Variants in PABPC3 observed in about 807,000 individuals in gnomAD.
PABPC3 encodes the protein polyadenylate-binding protein 3.
In PABPC3, 43 loss-of-function variants were observed where a neutral mutation model predicts 43.0. The ratio of observed to expected loss-of-function variants is 1.00; its 90% CI spans 0.78 to 1.29. The LOEUF (loss-of-function observed/expected upper bound fraction) is 1.29, where lower values mean the gene tolerates loss of function less well. PABPC3 is among the 50% of genes most tolerant of loss of function. The pLI, the probability that PABPC3 is intolerant of heterozygous loss-of-function variation, is 0.00. For missense variants in PABPC3, 784 were observed against 798.1 expected (o/e 0.98, Z 0.21); for synonymous variants, 221 against 274.6 (o/e 0.80, Z 1.93).
rs2137382421 is a variant in PABPC3 at position 25,096,210 on chromosome 13, C to T, written c.12C>T (p.Ser4=). Residue 4 remains serine, a synonymous_variant, in exon 1 of 1, where the codon AGC becomes AGT. Coordinates refer to ENST00000281589, the MANE Select transcript of PABPC3 (RefSeq NM_030979.3). ...CAGCCGTGCCGAGAATGAACCCCAG[C>T]ACCCCCAGCTACCCAACGGCCTCGC... MNP[S]TPSYPTASLY... The T allele has an allele frequency of 6.2e-7, 1 of 1,612,528 alleles. No homozygotes were observed. Among genetic ancestry groups the T allele is most frequent in the Non-Finnish European group, 8.5e-7 (1 of 1,178,862 alleles).
Position 25,097,983 on chromosome 13 carries a change from A to G in PABPC3, c.1785A>G (p.Pro595=), listed in dbSNP as rs1374071478. 1 of 1,613,894 alleles carries G rather than the reference A, an allele frequency of 6.2e-7. No individual in the cohort carries two copies. The highest frequency in any genetic ancestry group is 8.5e-7 in the Non-Finnish European group (1 of 1,179,886). ...AACTTCTTTATATGCTCGAGTCTCC[A>G]GAGTCACTCCGTTCTAAGGTTGATG... ...NSELLYMLES[P]ESLRSKVDEA... Residue 595 remains proline, a synonymous_variant, in exon 1 of 1, where the codon CCA becomes CCG. Transcript: ENST00000281589.
In PABPC3 at chr13:25,097,268, T is replaced by A; in HGVS notation, c.1070T>A (p.Ile357Asn). Residue 357 changes from isoleucine (I) to asparagine (N), a missense_variant, in exon 1 of 1, where the codon ATT (isoleucine) becomes AAT (asparagine). Coordinates refer to ENST00000281589, the MANE Select transcript of PABPC3 (RefSeq NM_030979.3). ...TKAVTEMNGR[I>N]VATKPLYVAL... Reference sequence around the variant, plus strand: ...GCAGTTACAGAAATGAACGGTAGAATTGTGGCCACAAAGCCATTGTATGTA... The same window carrying A: ...GCAGTTACAGAAATGAACGGTAGAAATGTGGCCACAAAGCCATTGTATGTA... 1.9e-6 allele frequency: 3 copies of A among 1,614,276 alleles called. No individual in the cohort carries two copies. Among genetic ancestry groups the A allele is most frequent in the Non-Finnish European group, 2.5e-6 (3 of 1,180,050 alleles).
the PABPC3 span, chr13:25,096,360 C>G: frequency 7.4e-6 from 12 of 1,614,194 alleles, no homozygotes; most frequent in Non-Finnish European, 1.0e-5. Context: ...CCTCCAACTA[C>G]GCGTATGTGA....
In PABPC3 at chr13:25,096,263, T is replaced by C. The variant is rs1323545961; in HGVS notation, c.65T>C (p.Val22Ala). 1 of 1,614,108 alleles carries C rather than the reference T, an allele frequency of 6.2e-7. No homozygotes were observed. The highest frequency in any genetic ancestry group is 1.3e-5 in the African/African-American group (1 of 74,932). The stretch of plus-strand genomic sequence containing the variant: ...TACGTGGGGGACCTCCACCCCGACG[T>C]GACTGAGGCGATGCTCTACGAGAAG... ...SLYVGDLHPD[V>A]TEAMLYEKFS... is the part of the protein sequence containing the mutation. The change falls in exon 1 of 1, where the codon GTG becomes GCG. Residue 22 changes from valine to alanine, a missense_variant. Physicochemically the swap from Val to Ala is moderately conservative, Grantham distance 64 (BLOSUM62 0). Coordinates refer to ENST00000281589, the MANE Select transcript of PABPC3 (RefSeq NM_030979.3).
chr13:25,096,612 G>A lies in PABPC3; in HGVS notation c.414G>A (p.Lys138=), dbSNP rs765717921. The A allele has an allele frequency of 6.2e-7, 1 of 1,614,278 alleles. No homozygotes were observed. ...CNVVCDENGS[K]GYGFVHFETH... ...TGGTTTGTGATGAAAATGGTTCCAAGGGTTATGGATTTGTACACTTTGAGA... is the reference window on the plus strand; with the variant it reads ...TGGTTTGTGATGAAAATGGTTCCAAAGGTTATGGATTTGTACACTTTGAGA... Residue 138 remains lysine, a synonymous_variant, in exon 1 of 1, where the codon AAG becomes AAA. Coordinates refer to ENST00000281589, the MANE Select transcript of PABPC3 (RefSeq NM_030979.3).
chr13:25,096,719 A>C lies in PABPC3; in HGVS notation c.521A>C (p.Lys174Thr), dbSNP rs780847068. The C allele has an allele frequency of 6.2e-6, 10 of 1,614,192 alleles. No homozygotes were observed. Among genetic ancestry groups the C allele is most frequent in the Non-Finnish European group, 8.5e-6 (10 of 1,180,058 alleles). The change falls in exon 1 of 1, where the codon AAG (lysine) becomes ACG (threonine). Residue 174 changes from lysine to threonine, a missense_variant. Physicochemically the swap from Lys to Thr is moderately conservative, Grantham distance 78 (BLOSUM62 -1). Coordinates refer to ENST00000281589, the MANE Select transcript of PABPC3 (RefSeq NM_030979.3). ...NGRKVFVGQFKSRKEREAELG... is the reference protein window; with the variant it reads ...NGRKVFVGQFTSRKEREAELG... ...CGCAAAGTATTTGTTGGACAATTTA[A>C]GTCTCGTAAAGAACGAGAAGCTGAA...
chr13:25,098,144 A>G lies in PABPC3; in HGVS notation c.*50A>G. 2.7e-6 allele frequency: 4 copies of G among 1,483,074 alleles called. No homozygotes were observed. The highest frequency in any genetic ancestry group is 3.7e-6 in the Non-Finnish European group (4 of 1,076,024). 91.9% of individuals were successfully genotyped at this position (1,483,074 alleles called of 1,614,324 possible). A position where few individuals can be genotyped will look rare whatever the true frequency, so the allele number is the denominator to read the frequency against. On this transcript the variant is annotated 3_prime_UTR_variant, in exon 1 of 1. Transcript: ENST00000281589. ...AATTTGTGCTTCACCGAAGAAAAAT[A>G]TCTAAACATCGAGAAACTATGGGAA... is the stretch of plus-strand genomic sequence containing the variant.
At position 25,097,692 on chromosome 13, in the gene PABPC3, T is replaced by A; in HGVS notation, c.1494T>A (p.Pro498=). ...CTGCTGCTGCTGCTGCAGCTACCCC[T>A]GCTGTGCGCACGGTTCCACGGTATA... is the stretch of plus-strand genomic sequence containing the variant. ...PAAAAAAAAT[P]AVRTVPRYKY... is the part of the protein sequence containing the mutation. The change falls in exon 1 of 1, where the codon CCT becomes CCA. Residue 498 remains proline, a synonymous_variant. Transcript: ENST00000281589. The A allele has an allele frequency of 6.2e-7, 1 of 1,614,188 alleles. No homozygotes were observed. Among genetic ancestry groups the A allele is most frequent in the Non-Finnish European group, 8.5e-7 (1 of 1,180,022 alleles).
rs1474632033 is a variant in PABPC3, at chr13:25,097,926, C to A, written c.1728C>A (p.Ile576=). The change falls in exon 1 of 1, where the codon ATC becomes ATA. Residue 576 remains isoleucine (I), a synonymous_variant. Coordinates refer to ENST00000281589, the MANE Select transcript of PABPC3 (RefSeq NM_030979.3). ...TGCACCCTACTCTTGCTGGGAAAATCACTGGCATGTTGTTGGAGATTGATA... is the reference window on the plus strand; with the variant it reads ...TGCACCCTACTCTTGCTGGGAAAATAACTGGCATGTTGTTGGAGATTGATA... ...QAMHPTLAGK[I]TGMLLEIDNS... The A allele has an allele frequency of 1.1e-5, 17 of 1,613,946 alleles. No individual in the cohort carries two copies. Among genetic ancestry groups the A allele is most frequent in the Non-Finnish European group, 1.4e-5 (16 of 1,179,836 alleles).
Position 25,096,186 on chromosome 13 carries a change from A to C in PABPC3, c.-13A>C. On this transcript the variant is annotated 5_prime_UTR_variant, in exon 1 of 1. Transcript: ENST00000281589. ...GGTCGCGGCTTGTGTGCCTGCGGGC[A>C]GCCGTGCCGAGAATGAACCCCAGCA... is the stretch of plus-strand genomic sequence containing the variant. 1 of 1,603,468 alleles carries C rather than the reference A, an allele frequency of 6.2e-7. No homozygotes were observed. The highest frequency in any genetic ancestry group is 2.2e-5 in the East Asian group (1 of 44,746).
chr13:25,096,250 C>T lies in PABPC3; in HGVS notation c.52C>T (p.Leu18Phe), dbSNP rs1395331668. The T allele has an allele frequency of 1.2e-6, 2 of 1,614,126 alleles. No individual in the cohort carries two copies. The highest frequency in any genetic ancestry group is 1.7e-6 in the Non-Finnish European group (2 of 1,180,054). ...AACGGCCTCGCTCTACGTGGGGGACCTCCACCCCGACGTGACTGAGGCGAT... is the reference window on the plus strand; with the variant it reads ...AACGGCCTCGCTCTACGTGGGGGACTTCCACCCCGACGTGACTGAGGCGAT... ...YPTASLYVGD[L>F]HPDVTEAMLY... is the part of the protein sequence containing the mutation. Residue 18 changes from leucine (L) to phenylalanine (F), a missense_variant, in exon 1 of 1, where the codon CTC (leucine) becomes TTC (phenylalanine). Transcript: ENST00000281589.
In PABPC3 at chr13:25,097,430, A is replaced by G. The variant is rs925503680; in HGVS notation, c.1232A>G (p.Gln411Arg). 6.2e-7 allele frequency: 1 copy of G among 1,614,208 alleles called. No homozygotes were observed. The highest frequency in any genetic ancestry group is 2.2e-5 in the East Asian group (1 of 44,884). Residue 411 changes from glutamine to arginine, a missense_variant, in exon 1 of 1, where the codon CAG becomes CGG. By Grantham distance (43) the Gln-to-Arg change is conservative (BLOSUM62 1). Coordinates refer to ENST00000281589, the MANE Select transcript of PABPC3 (RefSeq NM_030979.3). Reference sequence around the variant, plus strand: ...TTCATGACAGCTGTCCCACAGACTCAGAACCATGCTGCATACTATCCTCCT... The same window carrying G: ...TTCATGACAGCTGTCCCACAGACTCGGAACCATGCTGCATACTATCCTCCT... ...GYFMTAVPQT[Q>R]NHAAYYPPSQ... is the part of the protein sequence containing the mutation.
In PABPC3 at chr13:25,096,565, G is replaced by C. The variant is rs777922286; in HGVS notation, c.367G>C (p.Gly123Arg). Reference sequence around the variant, plus strand: ...ACTGTATGATACAGTTTCTGCTTTTGGTAACATCCTTTCGTGTAACGTGGT... The same window carrying C: ...ACTGTATGATACAGTTTCTGCTTTTCGTAACATCCTTTCGTGTAACGTGGT... ...KALYDTVSAF[G>R]NILSCNVVCD... The change falls in exon 1 of 1, where the codon GGT (glycine) becomes CGT (arginine). Residue 123 changes from glycine (G) to arginine (R), a missense_variant. Coordinates refer to ENST00000281589, the MANE Select transcript of PABPC3 (RefSeq NM_030979.3). 29 of 1,554,646 alleles carry C rather than the reference G, an allele frequency of 1.9e-5. No individual in the cohort carries two copies. The South Asian group carries it at 3.3e-4, about 17-fold the overall frequency.
At position 25,098,091 on chromosome 13, in the gene PABPC3, T is replaced by C. The variant is rs368214605; in HGVS notation, c.1893T>C (p.Val631=). Residue 631 remains valine, a synonymous_variant, in exon 1 of 1, where the codon GTT becomes GTC. Transcript: ENST00000281589. ...ACAGTGCTACCGGTGTTCCAACTGT[T>C]TAAAATTGATCAGAGACCACGAAAA... ...AVNSATGVPT[V] 6.2e-7 allele frequency: 1 copy of C among 1,612,882 alleles called. No individual in the cohort carries two copies. Among genetic ancestry groups the C allele is most frequent in the African/African-American group, 1.3e-5 (1 of 74,858 alleles).
rs1183369154 is a variant in PABPC3, at chr13:25,096,357, C to G, written c.159C>G (p.Asn53Lys). 6.2e-7 allele frequency: 1 copy of G among 1,614,264 alleles called. No individual in the cohort carries two copies. Among genetic ancestry groups the G allele is most frequent in the Non-Finnish European group, 8.5e-7 (1 of 1,180,050 alleles). ...ACTTGATCACCAGCGGCTCCTCCAA[C>G]TACGCGTATGTGAACTTCCAGCATA... Reference protein sequence around the residue: ...CRDLITSGSSNYAYVNFQHTK... With the variant: ...CRDLITSGSSKYAYVNFQHTK... Residue 53 changes from asparagine to lysine, a missense_variant, in exon 1 of 1, where the codon AAC becomes AAG. Transcript: ENST00000281589.
At position 25,096,833 on chromosome 13, in the gene PABPC3, G is replaced by A. The variant is rs367571760; in HGVS notation, c.635G>A (p.Gly212Asp). ...GATGAGCGCCTTAAGGATCTCTTTG[G>A]CAAGTTCGGGCCCGCCTTAAGTGTG... ...MDDERLKDLF[G>D]KFGPALSVKV... The change falls in exon 1 of 1, where the codon GGC becomes GAC. Residue 212 changes from glycine to aspartate, a missense_variant. Physicochemically the swap from Gly to Asp is moderately conservative, Grantham distance 94. Coordinates refer to ENST00000281589, the MANE Select transcript of PABPC3 (RefSeq NM_030979.3). 8.7e-6 allele frequency: 14 copies of A among 1,614,182 alleles called. No individual in the cohort carries two copies. The highest frequency in any genetic ancestry group is 1.1e-5 in the Non-Finnish European group (13 of 1,180,060).
rs1206923968 is a variant in PABPC3, at chr13:25,097,092, G to T, written c.894G>T (p.Val298=). Residue 298 remains valine (V), a synonymous_variant, in exon 1 of 1, where the codon GTG becomes GTT. Transcript: ENST00000281589. ...GATACCAGGTTGTTAATCTTTATGT[G>T]AAAAATCTTGATGATGGTATTGATG... The part of the protein sequence containing the change: ...ITRYQVVNLY[V]KNLDDGIDDE... 21 of 1,614,180 alleles carry T rather than the reference G, an allele frequency of 1.3e-5. No individual in the cohort carries two copies. The highest frequency in any genetic ancestry group is 1.8e-5 in the Non-Finnish European group (21 of 1,180,060).
Position 25,097,896 on chromosome 13 carries a change from A to G in PABPC3, c.1698A>G (p.Gln566=), listed in dbSNP as rs1213880149. ...GTGAACGGCTCTTTCCTCTTATTCAAGCCATGCACCCTACTCTTGCTGGGA... is the reference window on the plus strand; with the variant it reads ...GTGAACGGCTCTTTCCTCTTATTCAGGCCATGCACCCTACTCTTGCTGGGA... The part of the protein sequence containing the change: ...MLGERLFPLI[Q]AMHPTLAGKI... Residue 566 remains glutamine (Q), a synonymous_variant, in exon 1 of 1, where the codon CAA becomes CAG. Transcript: ENST00000281589. 1.2e-5 allele frequency: 20 copies of G among 1,613,970 alleles called. No individual in the cohort carries two copies. The highest frequency in any genetic ancestry group is 4.4e-5 in the South Asian group (4 of 91,076).
Position 25,096,172 on chromosome 13 carries a change from GT to G in PABPC3, c.-26del, listed in dbSNP as rs1956034016. 6.3e-7 allele frequency: 1 copy of G among 1,595,238 alleles called. No individual in the cohort carries two copies. Among genetic ancestry groups the G allele is most frequent in the Non-Finnish European group, 8.5e-7 (1 of 1,169,780 alleles). On this transcript the variant is annotated 5_prime_UTR_variant, in exon 1 of 1. Transcript: ENST00000281589. Reference sequence around the variant, plus strand: ...TCCTGTAACGGAAAGGTCGCGGCTTGTGTGCCTGCGGGCAGCCGTGCCGAGA... The same window carrying G: ...TCCTGTAACGGAAAGGTCGCGGCTTGGTGCCTGCGGGCAGCCGTGCCGAGA...
Sources: allele counts gnomAD v4.1 joint callset, GRCh38; gene constraint gnomAD v4.1.1; transcripts MANE v1.5; gene names NCBI Gene and HGNC (gene_info 2026-07-23, HGNC 2026-07-21).